Variants in HTT observed in about 807,000 individuals in gnomAD.
The protein encoded by HTT is huntingtin.
HTT carries 104 observed loss-of-function variants against 362.3 expected under a neutral mutation model. The ratio of observed to expected loss-of-function variants is 0.29; its 90% CI spans 0.24 to 0.34. The LOEUF is 0.34. Ranked by LOEUF, HTT falls within the 10% of genes least tolerant of loss-of-function variation. The probability of loss-of-function intolerance (pLI) is 1.00; values close to 1 mark genes in which losing one functional copy is unlikely to be tolerated. For missense variants in HTT, 3,301 were observed against 3,928.6 expected (o/e 0.84, Z 4.27); for synonymous variants, 1,577 against 1,548.7 (o/e 1.02, Z -0.43).
Position 3,178,242 on chromosome 4 carries a change from A to G in HTT, c.4464-56A>G, listed in dbSNP as rs1015256126. 8.7e-6 allele frequency: 11 copies of G among 1,267,456 alleles called. No homozygotes were observed. In the African/African-American group the frequency reaches 1.2e-4, roughly 14 times the overall value. 78.5% of individuals were successfully genotyped at this position (1,267,456 alleles called of 1,614,324 possible). ...TCATGAATTATTTTATGTTGCTTAT[A>G]TTGATATGTATCTTAATTTTAAAAG... On this transcript the variant is annotated intron_variant, in intron 34 of 66. Transcript: ENST00000355072.
rs180737329 is a variant in HTT at position 3,179,069 on chromosome 4, A to C, written c.4612+623A>C. The stretch of plus-strand genomic sequence containing the variant: ...ACCCCTCCCTGACTCCTTTGCTGGA[A>C]TCTGTAGGCTTTTGAACTTTGACAG... On this transcript the variant is annotated intron_variant, in intron 35 of 66. Coordinates refer to ENST00000355072, the MANE Select transcript of HTT (RefSeq NM_001388492.1). 2.6e-5 allele frequency among the ~76,000 whole-genome samples: 4 copies of C among 152,306 alleles called. No homozygotes were observed. The East Asian group carries it at 7.7e-4, about 29-fold the overall frequency.
chr4:3,113,372 T>G (rs1714860205), intron 6 of HTT, among the ~76,000 whole-genome samples: 1 of 152,126 alleles, frequency 6.6e-6, no homozygotes, highest in African/African-American at 2.4e-5. Context: ...CTCTGTTGCC[T>G]AGGCTGGAGT....
chr4:3,198,654 G>C (rs1168880174), intron 40 of HTT, among the ~76,000 whole-genome samples: 1 of 152,232 alleles, frequency 6.6e-6, no homozygotes, highest in Non-Finnish European at 1.5e-5. Flanking sequence ...CTCCCTGCTG[G>C]GCTTTGCAGC....
In HTT at chr4:3,122,915, G is replaced by C; in HGVS notation, c.1300G>C (p.Val434Leu). 2 of 1,611,728 alleles carry C rather than the reference G, an allele frequency of 1.2e-6. No homozygotes were observed. Among genetic ancestry groups the C allele is most frequent in the Non-Finnish European group, 1.7e-6 (2 of 1,178,716 alleles). The change falls in exon 10 of 67, where the codon GTC (valine) becomes CTC (leucine). Residue 434 changes from valine to leucine, a missense_variant. This residue lies in a region of HTT where 2,316 missense variants were observed against 2,658.5 expected (regional missense o/e 0.87). Transcript: ENST00000355072. ...IAGGGSSCSP[V>L]LSRKQKGKVL... ...TGGAGGGGGTTCCTCATGCAGCCCT[G>C]TCCTTTCAAGAAAACAAAAAGGTGA...
chr4:3,103,325 A>G (rs1449712245), intron 3 of HTT, among the ~76,000 whole-genome samples: 2 of 149,814 alleles, frequency 1.3e-5, no homozygotes, highest in Non-Finnish European at 3.0e-5. Context: ...CCCGGGTTCA[A>G]ACTATTCTCC....
Position 3,154,143 on chromosome 4 carries a change from T to C in HTT, c.3499-150T>C, listed in dbSNP as rs1340848371. The stretch of plus-strand genomic sequence containing the variant: ...AATAAAATGTGTACAGTGTCTGAAC[T>C]GTACATATCAGGGTCCAAGAACAAA... On this transcript the variant is annotated intron_variant, in intron 26 of 66. Coordinates refer to ENST00000355072, the MANE Select transcript of HTT (RefSeq NM_001388492.1). The C allele has an allele frequency of 1.1e-5, 7 of 610,312 alleles. 1 individual carries two copies. Among genetic ancestry groups the C allele is most frequent in the African/African-American group, 1.9e-5 (1 of 53,846 alleles). 37.8% of individuals were successfully genotyped at this position (610,312 alleles called of 1,614,324 possible).
chr4:3,114,329 CA>C (rs1054833106), intron 6 of HTT, among the ~76,000 whole-genome samples: 3 of 152,220 alleles, frequency 2.0e-5, no homozygotes, highest in Admixed American at 6.5e-5. Flanking sequence ...GAACATGTTA[CA>C]GTGCTTCAGA....
At position 3,186,662 on chromosome 4, in the gene HTT, C is replaced by G; in HGVS notation, c.4932C>G (p.Ser1644=). 6.2e-7 allele frequency: 1 copy of G among 1,613,616 alleles called. No homozygotes were observed. Among genetic ancestry groups the G allele is most frequent in the Non-Finnish European group, 8.5e-7 (1 of 1,179,676 alleles). ...LNTLFEILAP[S]SLRPVDMLLR... ...CATTATTTGAGATTTTGGCCCCTTC[C>G]TCCCTCCGTCCGGTAGACATGCTTT... Residue 1644 remains serine (S), a synonymous_variant, in exon 38 of 67, where the codon TCC becomes TCG. Coordinates refer to ENST00000355072, the MANE Select transcript of HTT (RefSeq NM_001388492.1).
In HTT at chr4:3,134,442, A is replaced by G. The variant is rs1261368637; in HGVS notation, c.2535A>G (p.Leu845=). ...MSLCSSSYSE[L]GLQLIIDVLT... is the part of the protein sequence containing the mutation. ...TCTGCAGCAGCAGCTACAGTGAGTT[A>G]GGACTGCAGCTGATCATCGATGTGC... Residue 845 remains leucine (L), a synonymous_variant, in exon 19 of 67, where the codon TTA becomes TTG. Transcript: ENST00000355072. 9 of 1,613,824 alleles carry G rather than the reference A, an allele frequency of 5.6e-6. No individual in the cohort carries two copies. The highest frequency in any genetic ancestry group is 7.6e-6 in the Non-Finnish European group (9 of 1,179,700).
chr4:3,080,150 A>G (rs1712815883), intron 1 of HTT, among the ~76,000 whole-genome samples: 1 of 144,938 alleles, frequency 6.9e-6, no homozygotes, highest in Non-Finnish European at 1.5e-5. Context: ...GCTGGAGTGC[A>G]ATGATGTGAT....
intron 5 of HTT, 47 bp from the exon 6 acceptor site, chr4:3,107,238 C>T: frequency 1.9e-6 from 3 of 1,596,444 alleles, no homozygotes; most frequent in Non-Finnish European, 2.6e-6. Context: ...TTCTGTTTCT[C>T]CTGAAGGAGA....
chr4:3,105,003 C>A (rs1714353230), intron 4 of HTT, among the ~76,000 whole-genome samples: 1 of 152,190 alleles, frequency 6.6e-6, no homozygotes, highest in African/African-American at 2.4e-5. Context: ...GTCTTGGGCC[C>A]TTATTTCCAT....
At chr4:3,183,224 T>A (rs7683309) in intron 37 of HTT, among the ~76,000 whole-genome samples, 1 of 152,268 alleles carries the variant, frequency 6.6e-6, no homozygotes, top group African/African-American at 2.4e-5. Context: ...ATGACATGAA[T>A]CATTGTTTCC....
At chr4:3,207,378 C>G in intron 45 of HTT, 21 bp downstream of exon 45, 2 of 1,580,240 alleles carry the variant, frequency 1.3e-6, no homozygotes, top group Non-Finnish European at 1.7e-6. Context: ...AAACACAGGT[C>G]GTCCTTGTGT....
chr4:3,238,186 C>T (rs1297459276), intron 64 of HTT, among the ~76,000 whole-genome samples: 1 of 152,200 alleles, frequency 6.6e-6, no homozygotes, highest in Non-Finnish European at 1.5e-5. Context: ...GTGTGGGAGC[C>T]CAGGGCCTGT....
intron 18 of HTT, among the ~76,000 whole-genome samples, chr4:3,133,794 G>T (rs1443025118): frequency 6.6e-6 from 1 of 152,178 alleles, no homozygotes; most frequent in Admixed American, 6.5e-5. Context: ...AAAATGTCAT[G>T]CCTGACAGTA....
At chr4:3,092,885 T>C (rs1247195349) in intron 2 of HTT, among the ~76,000 whole-genome samples, 1 of 152,228 alleles carries the variant, frequency 6.6e-6, no homozygotes, top group African/African-American at 2.4e-5. Context: ...AGAAGAATAG[T>C]TATCCCAGGA....
At chr4:3,186,837 GCTTT>G in intron 38 of HTT, 118 bp downstream of exon 38, 1 of 380,576 alleles carries the variant, frequency 2.6e-6, no homozygotes, top group Non-Finnish European at 4.1e-6. Flanking sequence ...TTGAGAGTTT[GCTTT>G]TTTTTTTTTT....
chr4:3,182,120 C>A (rs1002065254), intron 36 of HTT, among the ~76,000 whole-genome samples: 4 of 152,174 alleles, frequency 2.6e-5, no homozygotes, highest in Non-Finnish European at 4.4e-5. Flanking sequence ...TCCTCCTGAG[C>A]AAAGTGTGCA....
Sources: allele counts gnomAD v4.1 joint callset (sites outside exome capture counted in the v4.1 genomes callset), GRCh38; gene constraint gnomAD v4.1.1; regional missense constraint gnomAD v4.1.1; transcripts MANE v1.5; gene names NCBI Gene and HGNC (gene_info 2026-07-23, HGNC 2026-07-21).